The following PLA2G10 variants were observed in gnomAD, a reference collection of about 807,000 sequenced individuals.
PLA2G10 encodes the protein phospholipase A2 group X.
PLA2G10 carries 9 observed loss-of-function variants against 7.9 expected under a neutral mutation model. The observed-to-expected ratio is 1.14, with a 90% CI of 0.68 to 1.98. The LOEUF is 1.98. PLA2G10 is among the 30% of genes most tolerant of loss of function. The pLI is 0.00. For missense variants in PLA2G10, 53 were observed against 65.4 expected (o/e 0.81, Z 0.66); for synonymous variants, 19 against 27.5 (o/e 0.69, Z 0.97).
At chr16:14,679,163 T>G (rs1415359358) in intron 3 of PLA2G10, among the ~76,000 whole-genome samples, 1 of 152,096 alleles carries the variant, frequency 6.6e-6, no homozygotes, top group African/African-American at 2.4e-5. Context: ...CAACCTAAAA[T>G]TTACCATATT....
intron 3 of PLA2G10, among the ~76,000 whole-genome samples, chr16:14,683,394 G>A (rs912509700): frequency 6.6e-5 from 10 of 151,580 alleles, no homozygotes; most frequent in Admixed American, 1.3e-4. Flanking sequence ...TGCCACACCC[G>A]CCTAATTTTT....
intron 3 of PLA2G10, among the ~76,000 whole-genome samples, chr16:14,682,621 T>C (rs1960923869): frequency 6.6e-6 from 1 of 152,112 alleles, no homozygotes; most frequent in South Asian, 2.1e-4. Flanking sequence ...ACGCTTACAA[T>C]AGCCTCTTTG....
chr16:14,686,626 G>A (rs1332112485), intron 3 of PLA2G10, among the ~76,000 whole-genome samples: 5 of 152,060 alleles, frequency 3.3e-5, no homozygotes, highest in Non-Finnish European at 5.9e-5. Flanking sequence ...TCAGACTCTC[G>A]AGTAGCTGGG....
At chr16:14,685,919 C>T (rs1961043841) in intron 3 of PLA2G10, among the ~76,000 whole-genome samples, 1 of 151,822 alleles carries the variant, frequency 6.6e-6, no homozygotes, top group Admixed American at 6.6e-5. Context: ...GTGATCCGCC[C>T]ACCTCAGCCT....
At chr16:14,674,019 C>T (rs1473925170) in intron 3 of PLA2G10, among the ~76,000 whole-genome samples, 1 of 152,056 alleles carries the variant, frequency 6.6e-6, no homozygotes, top group Non-Finnish European at 1.5e-5. Flanking sequence ...CTAGATTTGA[C>T]CAATGAATTC....
chr16:14,680,177 C>T (rs933266370), intron 3 of PLA2G10, among the ~76,000 whole-genome samples: 9 of 150,960 alleles, frequency 6.0e-5, no homozygotes, highest in Admixed American at 5.3e-4. Flanking sequence ...CCACTCATTG[C>T]AACCTCTCTG....
intron 3 of PLA2G10, among the ~76,000 whole-genome samples, chr16:14,673,704 C>T (rs543024685): frequency 3.9e-5 from 6 of 152,102 alleles, no homozygotes; most frequent in South Asian, 2.1e-4. Flanking sequence ...CATACTTCTC[C>T]TCAATATACT....
chr16:14,685,198 TC>T (rs1961018594), intron 3 of PLA2G10, among the ~76,000 whole-genome samples: 1 of 151,676 alleles, frequency 6.6e-6, no homozygotes, highest in Non-Finnish European at 1.5e-5. Flanking sequence ...ATGGTAAAAC[TC>T]CATCTCTGCT....
At chr16:14,679,964 T>C (rs1001693400) in intron 3 of PLA2G10, among the ~76,000 whole-genome samples, 1 of 152,194 alleles carries the variant, frequency 6.6e-6, no homozygotes, top group Non-Finnish European at 1.5e-5. Context: ...GGACAATTCA[T>C]ATAAATGAAG....
intron 3 of PLA2G10, among the ~76,000 whole-genome samples, chr16:14,675,624 A>G (rs1469096127): frequency 1.3e-5 from 2 of 152,160 alleles, no homozygotes; most frequent in African/African-American, 4.8e-5. Context: ...ATCAGCAAGA[A>G]GAAAAGAAAA....
intron 3 of PLA2G10, among the ~76,000 whole-genome samples, chr16:14,677,271 A>G (rs1158613001): frequency 6.6e-6 from 1 of 152,202 alleles, no homozygotes; most frequent in African/African-American, 2.4e-5. Flanking sequence ...TCTTGTTACC[A>G]GGGCAAAATT....
intron 3 of PLA2G10, among the ~76,000 whole-genome samples, chr16:14,682,646 C>A (rs1365964242): frequency 1.3e-5 from 2 of 152,106 alleles, no homozygotes; most frequent in Non-Finnish European, 2.9e-5. Context: ...CAGAGCAGAC[C>A]AAGTCAGCAG....
At chr16:14,676,366 C>G (rs1266362054) in intron 3 of PLA2G10, among the ~76,000 whole-genome samples, 1 of 152,196 alleles carries the variant, frequency 6.6e-6, no homozygotes, top group Non-Finnish European at 1.5e-5. Flanking sequence ...CCTAAGTGCC[C>G]ATCAACCAAT....
At chr16:14,682,353 C>T (rs1345692434) in intron 3 of PLA2G10, among the ~76,000 whole-genome samples, 2 of 151,716 alleles carry the variant, frequency 1.3e-5, no homozygotes, top group Non-Finnish European at 2.9e-5. Flanking sequence ...GAGGCCGAGG[C>T]GGATGGATCA....
chr16:14,680,237 A>G (rs1359384910), intron 3 of PLA2G10, among the ~76,000 whole-genome samples: 1 of 151,174 alleles, frequency 6.6e-6, no homozygotes, highest in African/African-American at 2.4e-5. Context: ...AATAGCTGGG[A>G]TTACAGGCAC....
chr16:14,679,836 C>A (rs1422599399), intron 3 of PLA2G10, among the ~76,000 whole-genome samples: 1 of 151,932 alleles, frequency 6.6e-6, no homozygotes, highest in Non-Finnish European at 1.5e-5. Context: ...GGTGACAGAT[C>A]GAGATGGTCA....
At position 14,672,727 on chromosome 16, in the gene PLA2G10, T is replaced by C. The variant is rs1277768417; in HGVS notation, c.378A>G (p.Gln126=). 1.2e-6 allele frequency: 2 copies of C among 1,613,904 alleles called. No individual in the cohort carries two copies. The highest frequency in any genetic ancestry group is 1.7e-6 in the Non-Finnish European group (2 of 1,179,940). ...VLCGPAENKC[Q]ELLCKCDQEI... is the part of the protein sequence containing the mutation. ...CCTGGTCACACTTGCACAACAGTTC[T>C]TGGCATTTGTTCTCTGCCGGTCCTG... is the stretch of plus-strand genomic sequence containing the variant. The change falls in exon 4 of 4, where the codon CAA becomes CAG. Residue 126 remains glutamine, a synonymous_variant. Coordinates refer to ENST00000438167, the MANE Select transcript of PLA2G10 (RefSeq NM_003561.3).
At chr16:14,674,810 A>G (rs1960683097) in intron 3 of PLA2G10, among the ~76,000 whole-genome samples, 1 of 152,200 alleles carries the variant, frequency 6.6e-6, no homozygotes. Context: ...AAGTAGATAC[A>G]TAGACCAACA....
At chr16:14,674,427 G>C (rs976777303) in intron 3 of PLA2G10, among the ~76,000 whole-genome samples, 2 of 152,140 alleles carry the variant, frequency 1.3e-5, no homozygotes, top group Non-Finnish European at 2.9e-5. Flanking sequence ...AAATAGGCTG[G>C]GCACAGTGGC....
Sources: gnomAD v4.1 joint callset for allele counts (sites outside exome capture counted in the v4.1 genomes callset) on GRCh38, gnomAD v4.1.1 for gene constraint, MANE v1.5 for transcripts, NCBI Gene and HGNC (gene_info 2026-07-23, HGNC 2026-07-21) for gene names.